Variants in HIVEP1 observed in about 807,000 individuals in gnomAD.
The protein encoded by HIVEP1 is zinc finger protein 40.
HIVEP1 carries 36 observed loss-of-function variants against 180.0 expected under a neutral mutation model. The ratio of observed to expected loss-of-function variants is 0.20; its 90% CI spans 0.15 to 0.26. The LOEUF is 0.26. Among genes scored for constraint, HIVEP1 ranks in the 10% least tolerant of loss-of-function variants. The pLI is 1.00. For synonymous variants in HIVEP1, 1,239 were observed against 1,239.0 expected (o/e 1.00, Z 0.00); for missense variants, 3,143 against 3,268.7 (o/e 0.96, Z 0.94).
At chr6:12,102,333 AC>A (rs535878262) in intron 3 of HIVEP1, among the ~76,000 whole-genome samples, 1 of 152,194 alleles carries the variant, frequency 6.6e-6, no homozygotes, top group Non-Finnish European at 1.5e-5. Context: ...ATAGACCATC[AC>A]CTAGGCCATA....
intron 2 of HIVEP1, among the ~76,000 whole-genome samples, chr6:12,084,785 G>A (rs1307848705): frequency 6.6e-6 from 1 of 152,080 alleles, no homozygotes; most frequent in Non-Finnish European, 1.5e-5. Flanking sequence ...TAAACGAAGA[G>A]GGAGGACGTA....
the HIVEP1 span, among the ~76,000 whole-genome samples, chr6:12,177,721 A>G: frequency 2.0e-4 from 31 of 152,232 alleles, no homozygotes; most frequent in African/African-American, 7.0e-4. Context: ...CTAAACCACA[A>G]TGTGTCTTTC....
At chr6:12,061,885 A>C (rs1486144048) in intron 2 of HIVEP1, among the ~76,000 whole-genome samples, 2 of 152,214 alleles carry the variant, frequency 1.3e-5, no homozygotes, top group East Asian at 3.8e-4. Flanking sequence ...AAATCCTATG[A>C]TGTATTAAAT....
chr6:12,102,422 A>G (rs1186876502), intron 3 of HIVEP1, among the ~76,000 whole-genome samples: 1 of 152,218 alleles, frequency 6.6e-6, no homozygotes, highest in Non-Finnish European at 1.5e-5. Flanking sequence ...ATTAGAACTC[A>G]GTAACAGAAA....
chr6:12,168,540 C>A (rs1453119715), downstream of HIVEP1, among the ~76,000 whole-genome samples: 1 of 151,158 alleles, frequency 6.6e-6, no homozygotes, highest in Non-Finnish European at 1.5e-5. Flanking sequence ...TACTATGGTT[C>A]AATTTAATGA....
intron 2 of HIVEP1, among the ~76,000 whole-genome samples, chr6:12,066,031 G>A (rs902686440): frequency 6.6e-6 from 1 of 152,122 alleles, no homozygotes; most frequent in African/African-American, 2.4e-5. Context: ...CATTGGGGAG[G>A]TGATTCTCAT....
At chr6:12,085,746 G>T (rs1242130430) in intron 2 of HIVEP1, among the ~76,000 whole-genome samples, 3 of 152,102 alleles carry the variant, frequency 2.0e-5, no homozygotes, top group Non-Finnish European at 4.4e-5. Flanking sequence ...CTCCCCACAC[G>T]CACTTTAGCA....
chr6:12,070,853 T>G (rs1355639692), intron 2 of HIVEP1, among the ~76,000 whole-genome samples: 1 of 152,224 alleles, frequency 6.6e-6, no homozygotes, highest in African/African-American at 2.4e-5. Flanking sequence ...TATCAGTTTC[T>G]TGCTGATTTT....
At chr6:12,103,691 G>C (rs982823457) in intron 3 of HIVEP1, among the ~76,000 whole-genome samples, 1 of 152,058 alleles carries the variant, frequency 6.6e-6, no homozygotes, top group East Asian at 1.9e-4. Context: ...AGAGTATTGT[G>C]TAGGTCTTCA....
At chr6:12,023,698 T>A (rs547791258) in intron 2 of HIVEP1, among the ~76,000 whole-genome samples, 30 of 152,276 alleles carry the variant, frequency 2.0e-4, no homozygotes, top group Admixed American at 1.9e-3. Context: ...TGTTGAGAGC[T>A]TATTTGATGC....
At chr6:12,009,351 T>G (rs1355842332), upstream of HIVEP1, among the ~76,000 whole-genome samples, 1 of 152,148 alleles carries the variant, frequency 6.6e-6, no homozygotes, top group African/African-American at 2.4e-5. Flanking sequence ...AAAACGTGTG[T>G]TGAGCTTTTC....
At chr6:12,136,243 TTC>T (rs1183305863) in intron 7 of HIVEP1, among the ~76,000 whole-genome samples, 2 of 152,104 alleles carry the variant, frequency 1.3e-5, no homozygotes, top group African/African-American at 4.8e-5. Context: ...CCCTTCTCAT[TTC>T]TCTCTTTTAC....
At position 12,121,536 on chromosome 6, in the gene HIVEP1, A is replaced by G. The variant is rs531682375; in HGVS notation, c.1741A>G (p.Met581Val). Residue 581 changes from methionine (M) to valine (V), a missense_variant, in exon 4 of 9, where the codon ATG (methionine) becomes GTG (valine). Physicochemically the swap from Met to Val is conservative, Grantham distance 21. Transcript: ENST00000379388. The surrounding 1 kb of genome is among the most constrained non-coding windows in gnomAD (Gnocchi z 5.3). ...CTTAAGAACTGACAGTCCAAAGGCCATGGATCCCAAGCCTGAACTTTCTAG... is the reference window on the plus strand; with the variant it reads ...CTTAAGAACTGACAGTCCAAAGGCCGTGGATCCCAAGCCTGAACTTTCTAG... ...SPLRTDSPKA[M>V]DPKPELSSAQ... The G allele has an allele frequency of 1.5e-5, 24 of 1,614,072 alleles. No homozygotes were observed. Among genetic ancestry groups the G allele is most frequent in the African/African-American group, 2.7e-5 (2 of 74,938 alleles).
intron 2 of HIVEP1, among the ~76,000 whole-genome samples, chr6:12,088,101 G>A (rs1773220861): frequency 6.6e-6 from 1 of 152,136 alleles, no homozygotes; most frequent in African/African-American, 2.4e-5. Context: ...GGCAAGATAG[G>A]GAGAGAGGCA....
chr6:12,109,205 G>A (rs1399612031), intron 3 of HIVEP1, among the ~76,000 whole-genome samples: 1 of 152,122 alleles, frequency 6.6e-6, no homozygotes, highest in African/African-American at 2.4e-5. Context: ...ATGTTAGCCA[G>A]GATGGTCTCA....
At chr6:12,202,254 C>A in the HIVEP1 span, among the ~76,000 whole-genome samples, 140 of 152,112 alleles carry the variant, frequency 9.2e-4, 1 homozygote, top group African/African-American at 3.3e-3. Context: ...TCCCGGGGCT[C>A]AGGTGATCCT....
chr6:12,041,503 GT>G lies in HIVEP1; in HGVS notation c.40+25848del, dbSNP rs200332666. On this transcript the variant is annotated intron_variant, in intron 2 of 8. Coordinates refer to ENST00000379388, the MANE Select transcript of HIVEP1 (RefSeq NM_002114.4). ...GTATACATTACATTCTAGCTTACAT[GT>G]TTTTTTTTTTTTCCTTCCCCCCAAC... Among the ~76,000 whole-genome samples, 507 of 133,842 alleles carry G rather than the reference GT, an allele frequency of 3.8e-3. 2 individuals carry two copies. In the East Asian group the frequency reaches 0.045, roughly 12 times the overall value. 87.8% of individuals were successfully genotyped at this position (133,842 alleles called of 152,430 possible). A position where few individuals can be genotyped will look rare whatever the true frequency, so the allele number is the denominator to read the frequency against.
At chr6:12,084,714 T>G (rs1773001910) in intron 2 of HIVEP1, among the ~76,000 whole-genome samples, 1 of 152,218 alleles carries the variant, frequency 6.6e-6, no homozygotes, top group Middle Eastern at 3.4e-3. Context: ...TAAACAGAGG[T>G]GCCTTTTACA....
the HIVEP1 span, among the ~76,000 whole-genome samples, chr6:12,184,001 A>G: frequency 2.8e-5 from 4 of 142,982 alleles, no homozygotes; most frequent in African/African-American, 1.1e-4. Context: ...AGATAGATAG[A>G]TAGATAGATA....
Sources: gnomAD v4.1 joint callset for allele counts (sites outside exome capture counted in the v4.1 genomes callset) on GRCh38, gnomAD v4.1.1 for gene constraint, Gnocchi (gnomAD v3.1) non-coding constraint, MANE v1.5 for transcripts, NCBI Gene and HGNC (gene_info 2026-07-23, HGNC 2026-07-21) for gene names.